LARS2: variants seen among roughly 807,000 people sequenced by gnomAD.
The protein encoded by LARS2 is leucyl-tRNA synthetase 2, mitochondrial.
A neutral mutation model predicts 116.6 loss-of-function variants in LARS2; 81 were observed. That is an observed-to-expected ratio of 0.69 (90% CI 0.58 to 0.84). The LOEUF (loss-of-function observed/expected upper bound fraction) is 0.84, where lower values mean the gene tolerates loss of function less well. Ranked by LOEUF, LARS2 falls within the 40% of genes least tolerant of loss-of-function variation. The probability of loss-of-function intolerance (pLI) is 0.00; values close to 1 mark genes in which losing one functional copy is unlikely to be tolerated. For missense variants in LARS2, 968 were observed against 1,114.5 expected (o/e 0.87, Z 1.87); for synonymous variants, 396 against 407.2 (o/e 0.97, Z 0.33).
intron 6 of LARS2, among the ~76,000 whole-genome samples, chr3:45,436,621 C>T (rs1313191277): frequency 2.0e-5 from 3 of 151,264 alleles, no homozygotes; most frequent in Non-Finnish European, 2.9e-5. Context: ...GGTGAAACCC[C>T]GTCTCTACTA....
chr3:45,404,311 C>T (rs1269858207), intron 4 of LARS2, among the ~76,000 whole-genome samples: 1 of 152,146 alleles, frequency 6.6e-6, no homozygotes, highest in African/African-American at 2.4e-5. Flanking sequence ...ATATTTAAGT[C>T]ACAGCATCTC....
intron 10 of LARS2, among the ~76,000 whole-genome samples, chr3:45,484,630 A>AATATATATATATATATATATATAT (rs1553634444): frequency 0.03 from 292 of 9,594 alleles, 28 homozygotes; most frequent in Non-Finnish European, 0.067. Flanking sequence ...AAAAAAAAAA[A>AATATATATATATATATATATATAT]ATATATATAT....
chr3:45,475,639 A>G (rs1699597167), intron 9 of LARS2, among the ~76,000 whole-genome samples: 1 of 152,154 alleles, frequency 6.6e-6, no homozygotes, highest in South Asian at 2.1e-4. Context: ...TACTGTGAAC[A>G]TGTTTTTATC....
At chr3:45,504,012 CCTTTG>C (rs1175967901) in intron 15 of LARS2, among the ~76,000 whole-genome samples, 1 of 152,030 alleles carries the variant, frequency 6.6e-6, no homozygotes, top group Admixed American at 6.6e-5. Context: ...GCATACATGT[CCTTTG>C]CTTCTTTGAC....
chr3:45,456,213 T>G (rs1486249452), intron 7 of LARS2, among the ~76,000 whole-genome samples: 1 of 152,160 alleles, frequency 6.6e-6, no homozygotes, highest in Non-Finnish European at 1.5e-5. Flanking sequence ...TTATTCTACA[T>G]TGTGTACATA....
At chr3:45,437,642 A>G (rs1698829273) in intron 6 of LARS2, among the ~76,000 whole-genome samples, 1 of 152,198 alleles carries the variant, frequency 6.6e-6, no homozygotes, top group South Asian at 2.1e-4. Context: ...ACTATAGATG[A>G]CAAGAAATCA....
chr3:45,486,220 A>G (rs767815312), intron 11 of LARS2, among the ~76,000 whole-genome samples: 7 of 152,200 alleles, frequency 4.6e-5, no homozygotes, highest in Non-Finnish European at 8.8e-5. Context: ...GGTTCAAATG[A>G]AGCACAAATG....
intron 8 of LARS2, 65 bp downstream of exon 8, chr3:45,458,951 C>G: frequency 6.5e-7 from 1 of 1,535,222 alleles, no homozygotes; most frequent in Non-Finnish European, 9.0e-7. Flanking sequence ...CCAAAGGCTT[C>G]TGGGTATGAG....
chr3:45,517,478 C>T (rs1243838326), intron 17 of LARS2, among the ~76,000 whole-genome samples: 4 of 152,260 alleles, frequency 2.6e-5, no homozygotes, highest in African/African-American at 9.6e-5. Flanking sequence ...AGTGTGGCTG[C>T]AAGCACAGTC....
intron 14 of LARS2, among the ~76,000 whole-genome samples, chr3:45,497,314 A>C (rs1046529785): frequency 1.2e-4 from 18 of 152,016 alleles, no homozygotes; most frequent in African/African-American, 4.1e-4. Context: ...AAAAAAAGAA[A>C]CAAATTAAGG....
intron 17 of LARS2, among the ~76,000 whole-genome samples, chr3:45,517,517 C>G (rs578105757): frequency 6.6e-6 from 1 of 152,340 alleles, no homozygotes; most frequent in African/African-American, 2.4e-5. Context: ...GAGCTTGCAC[C>G]AGCAGGAGTC....
intron 20 of LARS2, among the ~76,000 whole-genome samples, chr3:45,528,932 C>T (rs1474993628): frequency 6.6e-6 from 1 of 150,854 alleles, no homozygotes; most frequent in East Asian, 2.0e-4. Context: ...TGCAGTAGTA[C>T]AATCTCCACT....
At chr3:45,407,607 T>C (rs142424181) in intron 4 of LARS2, among the ~76,000 whole-genome samples, 22 of 152,344 alleles carry the variant, frequency 1.4e-4, no homozygotes. Flanking sequence ...AAATTAAATA[T>C]TGTGTTTCTC....
At chr3:45,517,715 T>C (rs1262085204) in intron 17 of LARS2, among the ~76,000 whole-genome samples, 188 bp from the exon 18 acceptor site, 6 of 152,210 alleles carry the variant, frequency 3.9e-5, no homozygotes, top group African/African-American at 1.4e-4. Context: ...GAGATAGAAT[T>C]GGTCCTGGTC....
chr3:45,472,563 A>G (rs1000111949), intron 8 of LARS2, among the ~76,000 whole-genome samples: 1 of 152,260 alleles, frequency 6.6e-6, no homozygotes, highest in African/African-American at 2.4e-5. Flanking sequence ...AAATAAAAAT[A>G]TAAATAAGAT....
intron 6 of LARS2, among the ~76,000 whole-genome samples, chr3:45,436,176 T>A (rs927623231): frequency 2.0e-5 from 3 of 152,172 alleles, no homozygotes; most frequent in African/African-American, 7.2e-5. Flanking sequence ...GTGGAATTGA[T>A]GATTGATATT....
intron 8 of LARS2, among the ~76,000 whole-genome samples, chr3:45,470,388 G>A (rs1264808092): frequency 6.6e-6 from 1 of 152,108 alleles, no homozygotes. Flanking sequence ...TTGATTGGAT[G>A]TTACTTCAGC....
At chr3:45,531,938 C>T (rs975921442) in intron 20 of LARS2, among the ~76,000 whole-genome samples, 5 of 152,222 alleles carry the variant, frequency 3.3e-5, no homozygotes, top group African/African-American at 1.2e-4. Flanking sequence ...ATTCCAATGG[C>T]ATATAATTTT....
At chr3:45,439,027 C>A (rs1433351314) in intron 6 of LARS2, among the ~76,000 whole-genome samples, 2 of 152,022 alleles carry the variant, frequency 1.3e-5, no homozygotes, top group African/African-American at 4.8e-5. Context: ...CTGTCCCTCT[C>A]CTGCATAAGG....
Sources: allele counts gnomAD v4.1 joint callset (sites outside exome capture counted in the v4.1 genomes callset), GRCh38; gene constraint gnomAD v4.1.1; transcripts MANE v1.5; gene names NCBI Gene and HGNC (gene_info 2026-07-23, HGNC 2026-07-21).